The following SMIM41 variants were observed in gnomAD, a reference collection of about 807,000 sequenced individuals.
SMIM41 encodes the protein small integral membrane protein 41.
chr12:52,091,661 G>A (rs1310473966), intron 2 of SMIM41, among the ~76,000 whole-genome samples: 2 of 152,204 alleles, frequency 1.3e-5, no homozygotes, highest in African/African-American at 4.8e-5. Context: ...TGAACAAGTG[G>A]AACTGCCCCT....
At chr12:52,095,683 C>G (rs1237775560) in intron 2 of SMIM41, among the ~76,000 whole-genome samples, 1 of 152,068 alleles carries the variant, frequency 6.6e-6, no homozygotes, top group Non-Finnish European at 1.5e-5. Flanking sequence ...AACAATATCA[C>G]TGGGGTGGTG....
intron 2 of SMIM41, among the ~76,000 whole-genome samples, chr12:52,089,710 G>A (rs566520100): frequency 5.9e-4 from 90 of 152,334 alleles, no homozygotes; most frequent in Non-Finnish European, 1.2e-3. Flanking sequence ...GCAATATCTG[G>A]TGTCCCTTGG....
chr12:52,087,949 C>G (rs1939917054), intron 2 of SMIM41, among the ~76,000 whole-genome samples: 1 of 152,236 alleles, frequency 6.6e-6, no homozygotes, highest in South Asian at 2.1e-4. Flanking sequence ...CCTGGGCTCC[C>G]TGCCCTTCCC....
At chr12:52,089,601 AC>A (rs1271502836) in intron 2 of SMIM41, among the ~76,000 whole-genome samples, 2 of 12,350 alleles carry the variant, frequency 1.6e-4, no homozygotes, top group African/African-American at 2.3e-4. Flanking sequence ...CTTCAAAAAA[AC>A]AAAACAAAAC....
chr12:52,098,155 G>A (rs572176996), intron 2 of SMIM41, among the ~76,000 whole-genome samples: 318 of 152,210 alleles, frequency 2.1e-3, no homozygotes, highest in Admixed American at 3.9e-3. Context: ...CAACTTCTGA[G>A]ATATTGGGAG....
chr12:52,104,553 C>A (rs1940288948), intron 2 of SMIM41, among the ~76,000 whole-genome samples: 1 of 152,020 alleles, frequency 6.6e-6, no homozygotes, highest in African/African-American at 2.4e-5. Context: ...CGGTTGGGAG[C>A]CTTGTTTTGT....
intron 2 of SMIM41, among the ~76,000 whole-genome samples, chr12:52,104,676 G>T (rs11170003): frequency 9.4e-4 from 142 of 151,138 alleles, no homozygotes; most frequent in East Asian, 7.9e-3. Context: ...TTATGGTCGG[G>T]GGGGGGCGGT....
chr12:52,097,704 G>A (rs1344282142), intron 2 of SMIM41, among the ~76,000 whole-genome samples: 5 of 152,036 alleles, frequency 3.3e-5, no homozygotes, highest in Non-Finnish European at 7.4e-5. Flanking sequence ...TTCCATATGG[G>A]AGTCATATGA....
intron 2 of SMIM41, among the ~76,000 whole-genome samples, chr12:52,105,469 G>A (rs1419542391): frequency 6.6e-6 from 1 of 152,134 alleles, no homozygotes; most frequent in Admixed American, 6.6e-5. Flanking sequence ...TAAACTTTTT[G>A]AAGCTGGGCG....
chr12:52,093,867 A>G (rs1940044835), intron 2 of SMIM41, among the ~76,000 whole-genome samples: 1 of 152,150 alleles, frequency 6.6e-6, no homozygotes, highest in Non-Finnish European at 1.5e-5. Context: ...GCGGTGGCTC[A>G]CGCCTGTAAT....
At chr12:52,084,381 A>C (rs561264545) in intron 2 of SMIM41, among the ~76,000 whole-genome samples, 692 of 20,780 alleles carry the variant, frequency 0.033, 7 homozygotes, top group East Asian at 0.23. Flanking sequence ...CACAAAAAAA[A>C]AAACAAACAA....
At chr12:52,087,893 T>C (rs956813908) in intron 2 of SMIM41, among the ~76,000 whole-genome samples, 6 of 152,160 alleles carry the variant, frequency 3.9e-5, no homozygotes, top group African/African-American at 4.8e-5. Flanking sequence ...GTTTCCTCTT[T>C]CCTGTCCCAA....
intron 2 of SMIM41, among the ~76,000 whole-genome samples, chr12:52,099,742 G>T (rs975155067): frequency 9.2e-5 from 14 of 151,952 alleles, no homozygotes; most frequent in Admixed American, 8.5e-4. Flanking sequence ...ATGGCGTGGG[G>T]GTCGTGGAAA....
chr12:52,098,516 G>A (rs1281971709), intron 2 of SMIM41, among the ~76,000 whole-genome samples: 1 of 149,216 alleles, frequency 6.7e-6, no homozygotes, highest in African/African-American at 2.5e-5. Context: ...ATCGTGGGGG[G>A]GGGGGGACGT....
chr12:52,095,836 G>T (rs568157603), intron 2 of SMIM41, among the ~76,000 whole-genome samples: 1 of 152,048 alleles, frequency 6.6e-6, no homozygotes, highest in Non-Finnish European at 1.5e-5. Flanking sequence ...AACAGAGTGG[G>T]TGTACACCTC....
rs1939797053 is a variant in SMIM41 at position 52,080,174 on chromosome 12, C to T, written c.*113C>T. 6.1e-6 allele frequency: 2 copies of T among 327,608 alleles called. No homozygotes were observed. Among genetic ancestry groups the T allele is most frequent in the Non-Finnish European group, 5.5e-6 (1 of 180,442 alleles). The allele number at this position is 327,608 out of a possible 1,614,324, so 20.3% of individuals were successfully genotyped here. A position where few individuals can be genotyped will look rare whatever the true frequency, so the allele number is the denominator to read the frequency against. ...GACCCCTTACCCGAAGCGGCGCGCCCCACACAGGTGAGAGGGAGGGTAGCA... is the reference window on the plus strand; with the variant it reads ...GACCCCTTACCCGAAGCGGCGCGCCTCACACAGGTGAGAGGGAGGGTAGCA... On this transcript the variant is annotated 3_prime_UTR_variant, in exon 1 of 3. Transcript: ENST00000546390.
rs1339113380 is a variant in SMIM41, at chr12:52,079,724, T to C, written c.-56T>C. 1 of 391,074 alleles carries C rather than the reference T, an allele frequency of 2.6e-6. No homozygotes were observed. Among genetic ancestry groups the C allele is most frequent in the Admixed American group, 4.4e-5 (1 of 22,478 alleles). 24.2% of individuals were successfully genotyped at this position (391,074 alleles called of 1,614,324 possible). Reference sequence around the variant, plus strand: ...ACGCAGCCGCCGGCCCGCCCGCCAGTCTGGGCTCCTGCACATCTGGCGATC... The same window carrying C: ...ACGCAGCCGCCGGCCCGCCCGCCAGCCTGGGCTCCTGCACATCTGGCGATC... On this transcript the variant is annotated 5_prime_UTR_variant, in exon 1 of 3. Coordinates refer to ENST00000546390, the MANE Select transcript of SMIM41 (RefSeq NM_001369216.1).
chr12:52,107,851 G>A lies in SMIM41; in HGVS notation c.*668G>A. On this transcript the variant is annotated 3_prime_UTR_variant, in exon 3 of 3. Coordinates refer to ENST00000546390, the MANE Select transcript of SMIM41 (RefSeq NM_001369216.1). Reference sequence around the variant, plus strand: ...CTTACTAATGACCTGCTTCAAGGAGGTGGACATTCCTAATTTCTTCTGTGA... The same window carrying A: ...CTTACTAATGACCTGCTTCAAGGAGATGGACATTCCTAATTTCTTCTGTGA... 2 of 338,500 alleles carry A rather than the reference G, an allele frequency of 5.9e-6. No individual in the cohort carries two copies. Among genetic ancestry groups the A allele is most frequent in the Non-Finnish European group, 1.1e-5 (2 of 174,038 alleles). 21.0% of individuals were successfully genotyped at this position (338,500 alleles called of 1,614,324 possible). A position where few individuals can be genotyped will look rare whatever the true frequency, so the allele number is the denominator to read the frequency against.
At chr12:52,095,256 C>T (rs1294561473) in intron 2 of SMIM41, among the ~76,000 whole-genome samples, 3 of 151,850 alleles carry the variant, frequency 2.0e-5, no homozygotes, top group African/African-American at 4.8e-5. Flanking sequence ...GCGCCCCCCG[C>T]GATGCGGGGA....
Sources: gnomAD v4.1 joint callset for allele counts (sites outside exome capture counted in the v4.1 genomes callset) on GRCh38, gnomAD v4.1.1 for gene constraint, MANE v1.5 for transcripts, NCBI Gene and HGNC (gene_info 2026-07-23, HGNC 2026-07-21) for gene names.